The following AGBL4 variants were observed in gnomAD, a reference collection of about 807,000 sequenced individuals.
AGBL4 encodes the protein cytosolic carboxypeptidase 6.
AGBL4 carries 58 observed loss-of-function variants against 66.4 expected under a neutral mutation model. The observed-to-expected ratio is 0.87, with a 90% CI of 0.71 to 1.09. The LOEUF (loss-of-function observed/expected upper bound fraction) is 1.09, where lower values mean the gene tolerates loss of function less well. Among genes scored for constraint, AGBL4 ranks in the 50% least tolerant of loss-of-function variants. The pLI is 0.00. For missense variants in AGBL4, 579 were observed against 631.0 expected, an observed-to-expected ratio of 0.92 and a Z score of 0.88; for synonymous variants, 234 against 222.9, an observed-to-expected ratio of 1.05 and a Z score of -0.44.
intron 3 of AGBL4, among the ~76,000 whole-genome samples, chr1:49,604,839 G>T (rs1334437437): frequency 6.6e-6 from 1 of 151,966 alleles, no homozygotes; most frequent in African/African-American, 2.4e-5. Context: ...GGCATAATAT[G>T]TTACACCCTT....
At chr1:49,795,020 T>C (rs1644695686) in intron 2 of AGBL4, among the ~76,000 whole-genome samples, 1 of 151,942 alleles carries the variant, frequency 6.6e-6, no homozygotes, top group Non-Finnish European at 1.5e-5. Flanking sequence ...CTTGAGGTCT[T>C]CATATAAAGA....
Position 49,940,595 on chromosome 1 carries a change from A to G in AGBL4, c.34+83168T>C, listed in dbSNP as rs866302444. On this transcript the variant is annotated intron_variant, in intron 1 of 13. Coordinates refer to ENST00000371839, the MANE Select transcript of AGBL4 (RefSeq NM_032785.4). ...AAATCATCATTCTCAGTAAACTATCACAAGAACAAAAACCCAAACACCGCA... is the reference window on the plus strand; with the variant it reads ...AAATCATCATTCTCAGTAAACTATCGCAAGAACAAAAACCCAAACACCGCA... Among the ~76,000 whole-genome samples the G allele has an allele frequency of 1.5e-4, 23 of 152,236 alleles. No homozygotes were observed. The Middle Eastern group carries it at 0.01, about 68-fold the overall frequency.
intron 4 of AGBL4, among the ~76,000 whole-genome samples, chr1:49,161,554 G>T (rs1646542429): frequency 6.6e-6 from 1 of 152,140 alleles, no homozygotes; most frequent in South Asian, 2.1e-4. Flanking sequence ...ATTTTCAAAG[G>T]TTCTTGAGAC....
At chr1:48,939,577 C>G (rs1179324008) in intron 5 of AGBL4, among the ~76,000 whole-genome samples, 2 of 152,184 alleles carry the variant, frequency 1.3e-5, no homozygotes, top group Non-Finnish European at 2.9e-5. Flanking sequence ...TTGATCTGCT[C>G]TTTGGAGGTT....
At chr1:49,867,647 A>G (rs1646737652) in intron 1 of AGBL4, among the ~76,000 whole-genome samples, 1 of 152,090 alleles carries the variant, frequency 6.6e-6, no homozygotes, top group Non-Finnish European at 1.5e-5. Context: ...AAGGAGAAAT[A>G]AAATCATTTT....
intron 4 of AGBL4, among the ~76,000 whole-genome samples, chr1:49,057,374 T>C (rs1644326514): frequency 6.6e-6 from 1 of 152,074 alleles, no homozygotes; most frequent in Admixed American, 6.6e-5. Context: ...GCCATGATTG[T>C]GCCACAGCAC....
chr1:48,598,532 T>A (rs1340340052), intron 9 of AGBL4, among the ~76,000 whole-genome samples: 1 of 151,810 alleles, frequency 6.6e-6, no homozygotes, highest in African/African-American at 2.4e-5. Flanking sequence ...ATCCCGGCAC[T>A]TTAGGAGGCC....
intron 1 of AGBL4, among the ~76,000 whole-genome samples, chr1:49,875,426 G>A (rs927218009): frequency 8.5e-4 from 119 of 139,468 alleles, no homozygotes; most frequent in Non-Finnish European, 9.3e-4. Context: ...TTGTTCTTGC[G>A]ATAGTTTACT....
intron 3 of AGBL4, among the ~76,000 whole-genome samples, chr1:49,301,064 TG>T (rs1644736443): frequency 2.0e-5 from 3 of 152,186 alleles, no homozygotes; most frequent in Admixed American, 6.5e-5. Context: ...GCATATAATA[TG>T]TGCTAACATA....
intron 1 of AGBL4, among the ~76,000 whole-genome samples, chr1:49,956,188 T>G (rs747735576): frequency 4.6e-5 from 7 of 151,876 alleles, no homozygotes; most frequent in Non-Finnish European, 7.4e-5. Context: ...GATGGAGAGA[T>G]AAAATATACC....
intron 4 of AGBL4, among the ~76,000 whole-genome samples, chr1:49,103,899 A>G (rs1645247626): frequency 6.6e-6 from 1 of 152,198 alleles, no homozygotes; most frequent in South Asian, 2.1e-4. Flanking sequence ...CCAGTGAAAC[A>G]AAATTGTGTC....
At chr1:49,401,858 CTTA>C (rs1021006952) in intron 3 of AGBL4, among the ~76,000 whole-genome samples, 1 of 152,064 alleles carries the variant, frequency 6.6e-6, no homozygotes, top group African/African-American at 2.4e-5. Context: ...GATTTCATTA[CTTA>C]TTATTGATCT....
intron 3 of AGBL4, among the ~76,000 whole-genome samples, chr1:49,485,599 A>G (rs1397617716): frequency 6.6e-6 from 1 of 151,792 alleles, no homozygotes; most frequent in Non-Finnish European, 1.5e-5. Flanking sequence ...CTAAAACTTA[A>G]AGTATAATAA....
At position 48,964,068 on chromosome 1, in the gene AGBL4, A is replaced by T. The variant is rs1658221256; in HGVS notation, c.594+81516T>A. ...CAGAAGTTGTATCAGATTAAAGAAT[A>T]GGCAAGACACAGGTCCTGTGATGGA... On this transcript the variant is annotated intron_variant, in intron 5 of 13. Transcript: ENST00000371839. 1.3e-5 allele frequency among the ~76,000 whole-genome samples: 2 copies of T among 152,248 alleles called. 1 individual carries two copies. The highest frequency in any genetic ancestry group is 4.1e-4 in the South Asian group (2 of 4,832).
At chr1:48,779,490 T>C (rs1645236413) in intron 6 of AGBL4, among the ~76,000 whole-genome samples, 1 of 152,206 alleles carries the variant, frequency 6.6e-6, no homozygotes, top group Non-Finnish European at 1.5e-5. Context: ...CCTATCTCTT[T>C]CTACTACAAT....
At chr1:49,454,722 T>C in intron 3 of AGBL4, among the ~76,000 whole-genome samples, 1 of 151,638 alleles carries the variant, frequency 6.6e-6, no homozygotes, top group East Asian at 1.9e-4. Flanking sequence ...TGGTAAGGGT[T>C]ACAGAAGTGA....
chr1:49,554,710 G>A (rs140110921), intron 3 of AGBL4, among the ~76,000 whole-genome samples: 46 of 152,296 alleles, frequency 3.0e-4, no homozygotes, highest in Admixed American at 4.6e-4. Context: ...GGACCCTCGC[G>A]GTGAGTGTTA....
chr1:49,129,338 G>A (rs1046222665), intron 4 of AGBL4, among the ~76,000 whole-genome samples: 4 of 151,788 alleles, frequency 2.6e-5, no homozygotes, highest in African/African-American at 9.7e-5. Context: ...TATACTTTAA[G>A]TTTTAGGGTA....
At chr1:49,664,457 C>T (rs1041853289) in intron 3 of AGBL4, among the ~76,000 whole-genome samples, 1 of 151,880 alleles carries the variant, frequency 6.6e-6, no homozygotes, top group Non-Finnish European at 1.5e-5. Flanking sequence ...AAATGCTTTT[C>T]CTTTGTTAAT....
Sources: allele counts gnomAD v4.1 joint callset (sites outside exome capture counted in the v4.1 genomes callset), GRCh38; gene constraint gnomAD v4.1.1; transcripts MANE v1.5; gene names NCBI Gene and HGNC (gene_info 2026-07-23, HGNC 2026-07-21).